Variants in WWOX observed in about 807,000 individuals in gnomAD.
The protein encoded by WWOX is WW domain containing oxidoreductase.
WWOX carries 69 observed loss-of-function variants against 46.2 expected under a neutral mutation model. That is an observed-to-expected ratio of 1.49 (90% CI 1.23 to 1.82). The LOEUF is 1.82. WWOX is among the 40% of genes most tolerant of loss of function. The pLI, the probability that WWOX is intolerant of heterozygous loss-of-function variation, is 0.00. For missense variants in WWOX, 919 were observed against 542.6 expected (o/e 1.69, Z -6.89); for synonymous variants, 359 against 202.6 (o/e 1.77, Z -6.56).
At chr16:78,868,592 G>C (rs981958226) in intron 8 of WWOX, among the ~76,000 whole-genome samples, 3 of 152,174 alleles carry the variant, frequency 2.0e-5, no homozygotes, top group Non-Finnish European at 4.4e-5. Flanking sequence ...TGAGCCAATA[G>C]TTACAGGAAC....
intron 4 of WWOX, among the ~76,000 whole-genome samples, chr16:78,158,187 T>C (rs982801811): frequency 9.2e-5 from 14 of 152,232 alleles, no homozygotes; most frequent in Admixed American, 3.3e-4. Context: ...TATGAATGAA[T>C]GAACTTTACT....
intron 8 of WWOX, among the ~76,000 whole-genome samples, chr16:78,529,713 C>A (rs12446961): frequency 3.3e-5 from 5 of 151,954 alleles, no homozygotes; most frequent in Admixed American, 3.3e-4. Flanking sequence ...GTGATCCACC[C>A]ACCTCGGCCT....
chr16:78,460,992 T>C (rs1240140021), intron 8 of WWOX, among the ~76,000 whole-genome samples: 1 of 152,194 alleles, frequency 6.6e-6, no homozygotes, highest in Non-Finnish European at 1.5e-5. Context: ...GTAGAAGCCA[T>C]GCTACTGCAC....
chr16:78,535,700 A>G lies in WWOX; in HGVS notation c.1056+102948A>G, dbSNP rs1195016263. The G allele has an allele frequency of 2.0e-5, 3 of 152,158 alleles. No homozygotes were observed. In the South Asian group the frequency reaches 6.2e-4, roughly 32 times the overall value. The allele number at this position is 152,158 out of a possible 1,614,324, so 9.4% of individuals were successfully genotyped here. A position where few individuals can be genotyped will look rare whatever the true frequency, so the allele number is the denominator to read the frequency against. On this transcript the variant is annotated intron_variant, in intron 8 of 8. Coordinates refer to ENST00000566780, the MANE Select transcript of WWOX (RefSeq NM_016373.4). ...TCATTAATCTCGTCTTCTTTGTTAC[A>G]ATGTATGTTGTGGTCTTTGTTACAA...
chr16:78,902,174 C>T (rs559481480), intron 8 of WWOX, among the ~76,000 whole-genome samples: 10 of 152,298 alleles, frequency 6.6e-5, no homozygotes, highest in African/African-American at 2.4e-4. Context: ...AATCGGGCAG[C>T]CTGCAGCTGA....
At chr16:79,056,494 A>G (rs1010754195) in intron 8 of WWOX, among the ~76,000 whole-genome samples, 9 of 152,190 alleles carry the variant, frequency 5.9e-5, no homozygotes, top group African/African-American at 2.2e-4. Context: ...AAGCTTATTC[A>G]TTTAACTTGA....
At chr16:78,422,804 C>T (rs1464689053) in intron 6 of WWOX, among the ~76,000 whole-genome samples, 1 of 114,918 alleles carries the variant, frequency 8.7e-6, no homozygotes, top group African/African-American at 5.7e-5. Flanking sequence ...CATATATATA[C>T]ACACACATAT....
At chr16:78,746,610 A>G (rs895081351) in intron 8 of WWOX, among the ~76,000 whole-genome samples, 10 of 149,898 alleles carry the variant, frequency 6.7e-5, no homozygotes, top group African/African-American at 2.2e-4. Flanking sequence ...TTTTTTTTTC[A>G]TGGGATATTA....
At chr16:78,814,102 C>T (rs901800112) in intron 8 of WWOX, among the ~76,000 whole-genome samples, 1 of 152,206 alleles carries the variant, frequency 6.6e-6, no homozygotes, top group Admixed American at 6.5e-5. Context: ...GTTTTCAGTG[C>T]AGGACAGTGT....
At chr16:78,377,843 C>T (rs189129310) in intron 5 of WWOX, among the ~76,000 whole-genome samples, 546 of 152,230 alleles carry the variant, frequency 3.6e-3, no homozygotes, top group African/African-American at 0.013. Flanking sequence ...TGCAATTTCT[C>T]CTTGAATAGA....
chr16:79,053,001 G>A (rs1213581199), intron 8 of WWOX, among the ~76,000 whole-genome samples: 2 of 151,914 alleles, frequency 1.3e-5, no homozygotes, highest in African/African-American at 4.8e-5. Context: ...GAGGGTCAGA[G>A]AGGTGGCAAA....
chr16:78,712,421 G>A (rs1404142187), intron 8 of WWOX, among the ~76,000 whole-genome samples: 1 of 151,798 alleles, frequency 6.6e-6, no homozygotes, highest in Non-Finnish European at 1.5e-5. Flanking sequence ...AGAATCGCTT[G>A]AACCCAGGAG....
chr16:78,333,120 G>A (rs933672619), intron 5 of WWOX, among the ~76,000 whole-genome samples: 7 of 136,902 alleles, frequency 5.1e-5, no homozygotes, highest in African/African-American at 1.1e-4. Flanking sequence ...GTGTGATCTC[G>A]GCACACTGCA....
In WWOX at chr16:78,383,769, G is replaced by A. The variant is rs115239174; in HGVS notation, c.517-3091G>A. Among the ~76,000 whole-genome samples, 616 of 152,218 alleles carry A rather than the reference G, an allele frequency of 4.0e-3. 4 individuals are homozygous for A. The highest frequency in any genetic ancestry group is 0.014 in the African/African-American group (575 of 41,524). On this transcript the variant is annotated intron_variant, in intron 5 of 8. Coordinates refer to ENST00000566780, the MANE Select transcript of WWOX (RefSeq NM_016373.4). ...ATTTCTCAGGATTGGTAGCAGAAATGGGAAACCTGATACCTAGGGCAAGAG... is the reference window on the plus strand; with the variant it reads ...ATTTCTCAGGATTGGTAGCAGAAATAGGAAACCTGATACCTAGGGCAAGAG...
At chr16:78,401,016 C>T (rs977286145) in intron 6 of WWOX, among the ~76,000 whole-genome samples, 1 of 151,302 alleles carries the variant, frequency 6.6e-6, no homozygotes, top group Non-Finnish European at 1.5e-5. Flanking sequence ...GACGAGGTCT[C>T]CTTGTGTTGT....
chr16:78,826,931 C>G (rs2151151937), intron 8 of WWOX, among the ~76,000 whole-genome samples: 1 of 152,278 alleles, frequency 6.6e-6, no homozygotes, highest in Non-Finnish European at 1.5e-5. Context: ...ATGCCGGACA[C>G]CAAGCTATTA....
chr16:78,675,789 C>T (rs1040286508), intron 8 of WWOX, among the ~76,000 whole-genome samples: 3 of 152,150 alleles, frequency 2.0e-5, no homozygotes, highest in Non-Finnish European at 2.9e-5. Context: ...GCCTGGGCAA[C>T]ATAGCGAGAC....
chr16:79,130,525 A>G (rs1344507641), intron 8 of WWOX, among the ~76,000 whole-genome samples: 1 of 152,094 alleles, frequency 6.6e-6, no homozygotes, highest in Non-Finnish European at 1.5e-5. Context: ...AGAGATCAGG[A>G]CTCAAGGACT....
chr16:78,625,759 C>T (rs558674808), intron 8 of WWOX, among the ~76,000 whole-genome samples: 2 of 123,582 alleles, frequency 1.6e-5, no homozygotes, highest in East Asian at 2.3e-4. Flanking sequence ...TGCCATTTGC[C>T]AATTACTTTT....
Sources: gnomAD v4.1 joint callset for allele counts (sites outside exome capture counted in the v4.1 genomes callset) on GRCh38, gnomAD v4.1.1 for gene constraint, MANE v1.5 for transcripts, NCBI Gene and HGNC (gene_info 2026-07-23, HGNC 2026-07-21) for gene names.